Variants in APLF observed in about 807,000 individuals in gnomAD.
APLF encodes the protein aprataxin and PNKP like factor, also known as aprataxin and PNK-like factor.
A neutral mutation model predicts 55.6 loss-of-function variants in APLF; 61 were observed. That is an observed-to-expected ratio of 1.10 (90% CI 0.89 to 1.36). The LOEUF (loss-of-function observed/expected upper bound fraction) is 1.36, where lower values mean the gene tolerates loss of function less well. Ranked by LOEUF, APLF falls within the 40% of genes most tolerant of loss-of-function variation. APLF has a pLI of 0.00. For missense variants in APLF, 611 were observed against 602.5 expected (o/e 1.01, Z -0.15); for synonymous variants, 207 against 214.8 (o/e 0.96, Z 0.32).
At chr2:68,468,263 A>G (rs893048217) in intron 1 of APLF, among the ~76,000 whole-genome samples, 10 of 152,216 alleles carry the variant, frequency 6.6e-5, no homozygotes, top group Admixed American at 5.9e-4. Flanking sequence ...CTTTACAGAA[A>G]AGTTTGCCAA....
At chr2:68,567,714 T>C (rs1671345351) in intron 9 of APLF, among the ~76,000 whole-genome samples, 1 of 152,056 alleles carries the variant, frequency 6.6e-6, no homozygotes, top group African/African-American at 2.4e-5. Context: ...AGGGCTGGAT[T>C]TAGATAAGCT....
At chr2:68,560,758 T>A (rs1671146391) in intron 8 of APLF, among the ~76,000 whole-genome samples, 1 of 152,122 alleles carries the variant, frequency 6.6e-6, no homozygotes, top group Non-Finnish European at 1.5e-5. Flanking sequence ...AAGGTTGATG[T>A]AAATCTTTTA....
chr2:68,539,849 T>G (rs1346098261), intron 7 of APLF, among the ~76,000 whole-genome samples: 1 of 152,094 alleles, frequency 6.6e-6, no homozygotes, highest in Non-Finnish European at 1.5e-5. Flanking sequence ...AACCAGTATG[T>G]CTGCTATCAC....
Position 68,526,231 on chromosome 2 carries a change from AT to A in APLF, c.796del (p.Ser266HisfsTer14). On this transcript the variant is annotated frameshift_variant, in exon 6 of 10. Coordinates refer to ENST00000303795, the MANE Select transcript of APLF (RefSeq NM_173545.3). LOFTEE classifies it high-confidence loss of function. Reference sequence around the variant, plus strand: ...AAATACTGATCAGGAAGAGTCTACCATTTCATCCAAGGTGATTTTAAAAAAT... The same window carrying A: ...AAATACTGATCAGGAAGAGTCTACCATTCATCCAAGGTGATTTTAAAAAAT... ...CKNTDQEEST[I>X]SSKEMPQSFS... 6.2e-7 allele frequency: 1 copy of A among 1,601,572 alleles called. No homozygotes were observed.
At chr2:68,532,838 A>G (rs1203823520) in intron 6 of APLF, among the ~76,000 whole-genome samples, 1 of 152,192 alleles carries the variant, frequency 6.6e-6, no homozygotes, top group Non-Finnish European at 1.5e-5. Flanking sequence ...TTGAAACTTA[A>G]TCCTCAGAGC....
chr2:68,499,729 C>G (rs1298743940), intron 2 of APLF, among the ~76,000 whole-genome samples: 1 of 152,122 alleles, frequency 6.6e-6, no homozygotes, highest in African/African-American at 2.4e-5. Context: ...GTCCCAGCTA[C>G]TCAGGGGGCT....
At chr2:68,519,267 ATATAT>A (rs5831930) in intron 5 of APLF, among the ~76,000 whole-genome samples, 11,812 of 141,586 alleles carry the variant, frequency 0.083, 547 homozygotes, top group Middle Eastern at 0.12. Context: ...ATATAATATA[ATATAT>A]TATATGTATA....
At position 68,517,764 on chromosome 2, in the gene APLF, A is replaced by G. The variant is rs192257521; in HGVS notation, c.622+4084A>G. 1.3e-3 allele frequency among the ~76,000 whole-genome samples: 185 copies of G among 145,252 alleles called. 1 individual carries two copies. Among genetic ancestry groups the G allele is most frequent in the Non-Finnish European group, 4.5e-4 (30 of 66,292 alleles). ...TATCACTAATATCTACTGTTAATAT[A>G]TAACAGTAATATATCACTAATATAA... On this transcript the variant is annotated intron_variant, in intron 5 of 9. Transcript: ENST00000303795.
chr2:68,563,217 A>T (rs35263788), intron 8 of APLF: 80,341 of 985,108 alleles, frequency 0.082, 3,439 homozygotes, highest in Middle Eastern at 0.11. Flanking sequence ...GAAGATTCTC[A>T]AAGAAACAAC....
chr2:68,554,462 T>G (rs1485007323), intron 8 of APLF, among the ~76,000 whole-genome samples: 1 of 152,088 alleles, frequency 6.6e-6, no homozygotes, highest in Non-Finnish European at 1.5e-5. Flanking sequence ...CTGATGGGAA[T>G]TGAGTTGAAT....
chr2:68,570,383 G>A (rs575735700), intron 9 of APLF, among the ~76,000 whole-genome samples: 194 of 151,724 alleles, frequency 1.3e-3, no homozygotes, highest in African/African-American at 4.6e-3. Context: ...ATGTTGGTGT[G>A]CTGCATCCAT....
At chr2:68,515,533 A>C (rs1177678686) in intron 5 of APLF, 11 of 944,814 alleles carry the variant, frequency 1.2e-5, no homozygotes, top group Admixed American at 6.2e-5. Flanking sequence ...ACTGCTTATA[A>C]TAATAGTTCA....
intron 8 of APLF, among the ~76,000 whole-genome samples, chr2:68,547,716 C>T (rs865790920): frequency 1.1e-4 from 16 of 151,488 alleles, no homozygotes; most frequent in Middle Eastern, 3.4e-3. Flanking sequence ...ACTCATAGTA[C>T]TAAATGTAAA....
chr2:68,507,019 G>A (rs1054351482), intron 3 of APLF, among the ~76,000 whole-genome samples: 1 of 151,922 alleles, frequency 6.6e-6, no homozygotes, highest in Non-Finnish European at 1.5e-5. Context: ...GTTTACTTTT[G>A]GAGAAGGAAT....
At chr2:68,526,381 A>G (rs1670047268) in intron 6 of APLF, 139 bp downstream of exon 6, 1 of 1,432,830 alleles carries the variant, frequency 7.0e-7, no homozygotes. Context: ...CAATTTTTTC[A>G]GACTTACTGA....
rs1194336136 is a variant in APLF at position 68,518,478 on chromosome 2, A to T, written c.622+4798A>T. ...ATATATTATATAACATATTAATAATACATAATAACATTAATAATATATAAT... is the reference window on the plus strand; with the variant it reads ...ATATATTATATAACATATTAATAATTCATAATAACATTAATAATATATAAT... On this transcript the variant is annotated intron_variant, in intron 5 of 9. Transcript: ENST00000303795. Among the ~76,000 whole-genome samples the T allele has an allele frequency of 3.0e-3, 346 of 114,496 alleles. 1 individual carries two copies. The highest frequency in any genetic ancestry group is 0.012 in the African/African-American group (327 of 27,176). The allele number at this position is 114,496 out of a possible 152,430, so 75.1% of individuals were successfully genotyped here.
intron 9 of APLF, among the ~76,000 whole-genome samples, chr2:68,572,467 A>C (rs940360619): frequency 8.5e-5 from 13 of 152,216 alleles, no homozygotes; most frequent in African/African-American, 3.1e-4. Flanking sequence ...AACATGAAGA[A>C]TTATCAATGT....
At chr2:68,518,922 A>G (rs1445667354) in intron 5 of APLF, among the ~76,000 whole-genome samples, 1 of 125,230 alleles carries the variant, frequency 8.0e-6, no homozygotes, top group Non-Finnish European at 1.6e-5. Context: ...ATAATAATAT[A>G]TCATTAATAT....
intron 6 of APLF, chr2:68,528,659 C>T: frequency 2.0e-6 from 3 of 1,511,006 alleles, no homozygotes; most frequent in South Asian, 2.4e-5. Flanking sequence ...CCACAGGGAG[C>T]AGCCCGGAAC....
Sources: allele counts gnomAD v4.1 joint callset (sites outside exome capture counted in the v4.1 genomes callset), GRCh38; gene constraint gnomAD v4.1.1; transcripts MANE v1.5; gene names NCBI Gene and HGNC (gene_info 2026-07-23, HGNC 2026-07-21).